The following DNAJC5 variants were observed in gnomAD, a reference collection of about 807,000 sequenced individuals.
The protein encoded by DNAJC5 is DnaJ heat shock protein family (Hsp40) member C5.
In DNAJC5, 1 loss-of-function variant was observed where a neutral mutation model predicts 23.2. The ratio of observed to expected loss-of-function variants is 0.04; its 90% CI spans 0.02 to 0.20. The LOEUF (loss-of-function observed/expected upper bound fraction) is 0.20. DNAJC5 is among the 10% of genes least tolerant of loss of function. DNAJC5 has a pLI of 1.00. For missense variants in DNAJC5, 180 were observed against 267.0 expected, an observed-to-expected ratio of 0.67 and a Z score of 2.27; for synonymous variants, 136 against 120.0, an observed-to-expected ratio of 1.13 and a Z score of -0.87.
At chr20:63,926,599 C>T (rs575389457) in intron 1 of DNAJC5, among the ~76,000 whole-genome samples, 2 of 152,338 alleles carry the variant, frequency 1.3e-5, no homozygotes, top group South Asian at 4.1e-4. Context: ...TCATGCTCTG[C>T]CATTTGCTGA....
intron 1 of DNAJC5, among the ~76,000 whole-genome samples, chr20:63,907,803 G>A (rs2053457095): frequency 6.6e-6 from 1 of 152,230 alleles, no homozygotes; most frequent in African/African-American, 2.4e-5. Context: ...GTCTCGCTCT[G>A]TCGACAGGCT....
Position 63,935,230 on chromosome 20 carries a change from T to C in DNAJC5, c.*3662T>C, listed in dbSNP as rs1439123998. ...ATATGTATATATCACGCAGCAGGAG[T>C]GTCATTCATGCTGCTGTCCCCTGGT... On this transcript the variant is annotated 3_prime_UTR_variant, in exon 5 of 5. Transcript: ENST00000360864. The C allele has an allele frequency of 1.3e-5, 2 of 151,920 alleles. No individual in the cohort carries two copies. The highest frequency in any genetic ancestry group is 2.9e-5 in the Non-Finnish European group (2 of 68,016). 9.4% of individuals were successfully genotyped at this position (151,920 alleles called of 1,614,324 possible). A position where few individuals can be genotyped will look rare whatever the true frequency, so the allele number is the denominator to read the frequency against.
rs887323838 is a variant in DNAJC5 at position 63,915,569 on chromosome 20, G to A, written c.-11-12766G>A. 7.9e-5 allele frequency among the ~76,000 whole-genome samples: 12 copies of A among 152,280 alleles called. 1 individual carries two copies. The highest frequency in any genetic ancestry group is 9.6e-5 in the African/African-American group (4 of 41,574). ...GTCCACTGGGCACCACAGACAGAAC[G>A]GCCTTGAAGGTAGGCTGGAGACGCC... On this transcript the variant is annotated intron_variant, in intron 1 of 4. Coordinates refer to ENST00000360864, the MANE Select transcript of DNAJC5 (RefSeq NM_025219.3).
intron 1 of DNAJC5, among the ~76,000 whole-genome samples, chr20:63,925,376 G>A (rs2053603949): frequency 6.6e-6 from 1 of 152,174 alleles, no homozygotes; most frequent in African/African-American, 2.4e-5. Context: ...CCAGTGACTT[G>A]GGAGGCTGAA....
rs2146311018 is a variant in DNAJC5, at chr20:63,932,522, T to A, written c.*954T>A. The A allele has an allele frequency of 6.5e-6, 1 of 152,770 alleles. No homozygotes were observed. The highest frequency in any genetic ancestry group is 6.5e-5 in the Admixed American group (1 of 15,300). 9.5% of individuals were successfully genotyped at this position (152,770 alleles called of 1,614,324 possible). On this transcript the variant is annotated 3_prime_UTR_variant, in exon 5 of 5. Transcript: ENST00000360864. The surrounding 1 kb of genome is among the most constrained non-coding windows in gnomAD (Gnocchi z 4.4). Reference sequence around the variant, plus strand: ...ACCACAGATGATAGGACCAGCCCAATGAGCCACAGTCAGAGAGTAGATTGT... The same window carrying A: ...ACCACAGATGATAGGACCAGCCCAAAGAGCCACAGTCAGAGAGTAGATTGT...
chr20:63,925,822 C>G (rs1338465321), intron 1 of DNAJC5, among the ~76,000 whole-genome samples: 1 of 136,770 alleles, frequency 7.3e-6, no homozygotes, highest in South Asian at 2.2e-4. Flanking sequence ...GGAATTTTAT[C>G]TGGTTTTTTT....
intron 1 of DNAJC5, among the ~76,000 whole-genome samples, chr20:63,925,421 T>G (rs1026520852): frequency 2.0e-5 from 3 of 152,166 alleles, no homozygotes; most frequent in African/African-American, 7.2e-5. Context: ...AGGCAGAGAT[T>G]GCAGTGAACT....
intron 1 of DNAJC5, among the ~76,000 whole-genome samples, chr20:63,909,347 A>T (rs568446638): frequency 2.0e-4 from 31 of 152,160 alleles, no homozygotes; most frequent in South Asian, 4.1e-4. Context: ...AAATAAAAAA[A>T]AAAAAATTAG....
intron 1 of DNAJC5, among the ~76,000 whole-genome samples, chr20:63,918,198 C>T (rs1024368088): frequency 2.0e-5 from 3 of 151,966 alleles, no homozygotes; most frequent in South Asian, 2.1e-4. Flanking sequence ...GCAGTGTAGA[C>T]GAATCTTAGG....
In DNAJC5 at chr20:63,931,774, C is replaced by A; in HGVS notation, c.*206C>A. 1 of 620,316 alleles carries A rather than the reference C, an allele frequency of 1.6e-6. No individual in the cohort carries two copies. Among genetic ancestry groups the A allele is most frequent in the Non-Finnish European group, 2.9e-6 (1 of 346,342 alleles). The allele number at this position is 620,316 out of a possible 1,614,324, so 38.4% of individuals were successfully genotyped here. On this transcript the variant is annotated 3_prime_UTR_variant, in exon 5 of 5. Transcript: ENST00000360864. The surrounding 1 kb of genome is among the most constrained non-coding windows in gnomAD (Gnocchi z 9.6). ...GTATTTAAAGCAGTGTAGCTACGGTCTTCTGTTTTTTTCCCTTTTTTAATA... is the reference window on the plus strand; with the variant it reads ...GTATTTAAAGCAGTGTAGCTACGGTATTCTGTTTTTTTCCCTTTTTTAATA...
chr20:63,912,607 T>C (rs2146282350), intron 1 of DNAJC5, among the ~76,000 whole-genome samples: 1 of 152,238 alleles, frequency 6.6e-6, no homozygotes, highest in South Asian at 2.1e-4. Context: ...AGGTTTTTGT[T>C]TGTTTGTTTT....
At chr20:63,918,070 A>C (rs957112090) in intron 1 of DNAJC5, among the ~76,000 whole-genome samples, 12 of 152,226 alleles carry the variant, frequency 7.9e-5, no homozygotes, top group Non-Finnish European at 1.5e-4. Context: ...ACTTGGTGGT[A>C]ACAGAAGCTG....
At chr20:63,903,099 A>G (rs1156270096) in intron 1 of DNAJC5, among the ~76,000 whole-genome samples, 1 of 152,056 alleles carries the variant, frequency 6.6e-6, no homozygotes, top group Non-Finnish European at 1.5e-5. Context: ...CAGCCTCCCA[A>G]GTAGCTGGGA....
intron 1 of DNAJC5, among the ~76,000 whole-genome samples, chr20:63,921,401 C>G (rs1207887373): frequency 2.0e-5 from 3 of 152,008 alleles, no homozygotes; most frequent in African/African-American, 7.2e-5. Flanking sequence ...ACCATCCTGG[C>G]TAACACGGTG....
chr20:63,922,175 T>C (rs1389189971), intron 1 of DNAJC5, among the ~76,000 whole-genome samples: 1 of 151,828 alleles, frequency 6.6e-6, no homozygotes, highest in Non-Finnish European at 1.5e-5. Context: ...CCCAAGGAAA[T>C]AGGCAGTCCA....
chr20:63,908,650 A>C lies in DNAJC5; in HGVS notation c.-12+13327A>C, dbSNP rs79742651. ...AATGTTGTGATTATTATATCCAGAT[A>C]AAGTTCTAGCCTGGCACAGTGCAGG... On this transcript the variant is annotated intron_variant, in intron 1 of 4. Coordinates refer to ENST00000360864, the MANE Select transcript of DNAJC5 (RefSeq NM_025219.3). Among the ~76,000 whole-genome samples the C allele has an allele frequency of 5.1e-4, 77 of 152,314 alleles. No individual in the cohort carries two copies. In the East Asian group the frequency reaches 0.013, roughly 27 times the overall value.
intron 1 of DNAJC5, among the ~76,000 whole-genome samples, chr20:63,895,679 C>T (rs1165175648): frequency 2.0e-5 from 3 of 152,052 alleles, no homozygotes; most frequent in African/African-American, 4.8e-5. Flanking sequence ...GGGGTCTCCT[C>T]TCCTGCGGGG....
In DNAJC5 at chr20:63,895,156, G is replaced by T. The variant is rs577550567; in HGVS notation, c.-179G>T. ...CGTGAGCGTGCTCGTCTCCGCTGCCGCTGCCGCTGCCGCTGCCGGTGCCGC... is the reference window on the plus strand; with the variant it reads ...CGTGAGCGTGCTCGTCTCCGCTGCCTCTGCCGCTGCCGCTGCCGGTGCCGC... On this transcript the variant is annotated 5_prime_UTR_variant, in exon 1 of 5. Coordinates refer to ENST00000360864, the MANE Select transcript of DNAJC5 (RefSeq NM_025219.3). 36 of 154,102 alleles carry T rather than the reference G, an allele frequency of 2.3e-4. 1 individual carries two copies. In the East Asian group the frequency reaches 6.1e-3, roughly 26 times the overall value. The allele number at this position is 154,102 out of a possible 1,614,324, so 9.5% of individuals were successfully genotyped here. A position where few individuals can be genotyped will look rare whatever the true frequency, so the allele number is the denominator to read the frequency against.
In DNAJC5 at chr20:63,923,560, A is replaced by G. The variant is rs141361106; in HGVS notation, c.-11-4775A>G. Among the ~76,000 whole-genome samples, 55 of 152,260 alleles carry G rather than the reference A, an allele frequency of 3.6e-4. 1 individual carries two copies. The East Asian group carries it at 0.01, about 29-fold the overall frequency. ...TTGAGACCAACAAGATCCTGACTCT[A>G]TAAAAATTTTAAAAAATAGCTGGGC... On this transcript the variant is annotated intron_variant, in intron 1 of 4. Coordinates refer to ENST00000360864, the MANE Select transcript of DNAJC5 (RefSeq NM_025219.3).
Sources: gnomAD v4.1 joint callset for allele counts (sites outside exome capture counted in the v4.1 genomes callset) on GRCh38, gnomAD v4.1.1 for gene constraint, Gnocchi (gnomAD v3.1) non-coding constraint, MANE v1.5 for transcripts, NCBI Gene and HGNC (gene_info 2026-07-23, HGNC 2026-07-21) for gene names.